The following TTC34 variants were observed in gnomAD, a reference collection of about 807,000 sequenced individuals.
TTC34 encodes tetratricopeptide repeat domain 34, also known as tetratricopeptide repeat protein 34.
A neutral mutation model predicts 40.7 loss-of-function variants in TTC34; 44 were observed. That is an observed-to-expected ratio of 1.08 (90% confidence interval 0.85 to 1.39). The LOEUF is 1.39. Ranked by LOEUF, TTC34 falls within the 40% of genes most tolerant of loss-of-function variation. The pLI is 0.00. For synonymous variants in TTC34, 422 were observed against 398.6 expected (o/e 1.06, Z -0.70); for missense variants, 884 against 838.0 (o/e 1.05, Z -0.68).
At chr1:2,769,734 C>G (rs1294668723) in intron 6 of TTC34, among the ~76,000 whole-genome samples, 4 of 148,078 alleles carry the variant, frequency 2.7e-5, no homozygotes, top group East Asian at 4.0e-4. Flanking sequence ...ATCTGACAGC[C>G]TGGAGCAGCG....
At chr1:2,684,447 G>T (rs1227743487) in intron 6 of TTC34, among the ~76,000 whole-genome samples, 2 of 128,010 alleles carry the variant, frequency 1.6e-5, no homozygotes, top group African/African-American at 3.1e-5. Context: ...CCCCAGGTGA[G>T]CATCTGACGG....
In TTC34 at chr1:2,796,872, G is replaced by A. The variant is rs1489109690; in HGVS notation, c.784+3172C>T. 6.6e-6 allele frequency among the ~76,000 whole-genome samples: 1 copy of A among 152,110 alleles called. No individual in the cohort carries two copies. The highest frequency in any genetic ancestry group is 1.5e-5 in the Non-Finnish European group (1 of 68,018). ...TTGCAGCTCTCTCTAACTGGTTCCT[G>A]CCCCACCCTCTCGTTGGGGTCACCA... On this transcript the variant is annotated intron_variant, in intron 2 of 8. Transcript: ENST00000401095. This position sits in a 1 kb window ranked among gnomAD's most constrained non-coding sequence, Gnocchi z 4.5.
At chr1:2,656,383 T>G (rs763625561) in intron 6 of TTC34, among the ~76,000 whole-genome samples, 1 of 2,018 alleles carries the variant, frequency 5.0e-4, no homozygotes, top group Non-Finnish European at 1.1e-3. Context: ...CACCCACAGG[T>G]GAGCATCTGA....
chr1:2,787,381 C>T, intron 4 of TTC34, 100 bp downstream of exon 4: 3 of 1,152,584 alleles, frequency 2.6e-6, no homozygotes. Flanking sequence ...GTCCAAAGCC[C>T]AGACTGTGGG....
At chr1:2,780,656 T>C (rs1643468043) in intron 6 of TTC34, among the ~76,000 whole-genome samples, 1 of 152,212 alleles carries the variant, frequency 6.6e-6, no homozygotes, top group Non-Finnish European at 1.5e-5. Flanking sequence ...TTGATCACTG[T>C]AGCTTTGTAG....
chr1:2,681,973 A>T (rs1298301164), intron 6 of TTC34, among the ~76,000 whole-genome samples: 2 of 85,746 alleles, frequency 2.3e-5, no homozygotes, highest in Admixed American at 1.1e-4. Flanking sequence ...ACGGCCTGGA[A>T]CAGCACCCAC....
At chr1:2,773,123 G>A (rs1187123499) in intron 6 of TTC34, among the ~76,000 whole-genome samples, 1 of 148,918 alleles carries the variant, frequency 6.7e-6, no homozygotes, top group African/African-American at 2.5e-5. Context: ...TGACAGCCTG[G>A]AGCAGCACAC....
intron 6 of TTC34, among the ~76,000 whole-genome samples, chr1:2,655,247 C>CT (rs1473428097): frequency 3.2e-5 from 1 of 31,316 alleles, no homozygotes. Context: ...TGGAGCAGCA[C>CT]GCACACCCCC....
intron 6 of TTC34, among the ~76,000 whole-genome samples, chr1:2,686,038 C>T (rs796410415): frequency 5.1e-4 from 43 of 84,040 alleles, no homozygotes; most frequent in East Asian, 1.2e-3. Context: ...CAGCACCCTG[C>T]ACCCCCAAGT....
Position 2,773,016 on chromosome 1 carries a change from A to G in TTC34, c.2226+10593T>C, listed in dbSNP as rs1642519929. Among the ~76,000 whole-genome samples the G allele has an allele frequency of 2.0e-5, 3 of 147,522 alleles. No homozygotes were observed. The Admixed American group carries it at 2.0e-4, about 10-fold the overall frequency. On this transcript the variant is annotated intron_variant, in intron 6 of 8. Coordinates refer to ENST00000401095, the Ensembl canonical transcript of TTC34. ...TCTGACAGCCTGGAGCAGCACCCAC[A>G]CCCCCAGGCGAGCATCTGACAGCCT... is the stretch of plus-strand genomic sequence containing the variant.
chr1:2,699,422 A>T (rs1277509995), intron 6 of TTC34, among the ~76,000 whole-genome samples: 1 of 90,262 alleles, frequency 1.1e-5, no homozygotes, highest in African/African-American at 3.5e-5. Context: ...CCCCAAGGTG[A>T]GTATCTGACA....
At chr1:2,780,951 T>C (rs1643473322) in intron 6 of TTC34, among the ~76,000 whole-genome samples, 1 of 152,218 alleles carries the variant, frequency 6.6e-6, no homozygotes, top group African/African-American at 2.4e-5. Context: ...GTTTTATAGT[T>C]TTCATTGTAC....
chr1:2,778,046 T>C (rs1643354521), intron 6 of TTC34, among the ~76,000 whole-genome samples: 1 of 152,138 alleles, frequency 6.6e-6, no homozygotes, highest in South Asian at 2.1e-4. Context: ...CAAATGCATG[T>C]CTCCCTCCCT....
At chr1:2,794,845 G>C (rs1643697529) in intron 2 of TTC34, among the ~76,000 whole-genome samples, 1 of 152,116 alleles carries the variant, frequency 6.6e-6, no homozygotes, top group African/African-American at 2.4e-5. Flanking sequence ...CTACTGCAAT[G>C]ATAATATGTT....
At chr1:2,675,514 ACCCTGC>A in intron 6 of TTC34, among the ~76,000 whole-genome samples, 1 of 108,752 alleles carries the variant, frequency 9.2e-6, no homozygotes, top group Non-Finnish European at 2.1e-5. Context: ...CTGCAACAGC[ACCCTGC>A]ACCCCCAGGT....
At chr1:2,751,021 C>G (rs1388439504) in intron 6 of TTC34, among the ~76,000 whole-genome samples, 1 of 114,410 alleles carries the variant, frequency 8.7e-6, no homozygotes, top group African/African-American at 4.0e-5. Context: ...AGGTGAGCAT[C>G]TGACAGCCTG....
exon 2 of TTC34, chr1:2,800,358 C>T (rs1240694589): frequency 5.0e-6 from 2 of 398,388 alleles, no homozygotes; most frequent in Non-Finnish European, 4.4e-6. Flanking sequence ...GGCGGCCACA[C>T]CATCCGCTGC....
intron 6 of TTC34, among the ~76,000 whole-genome samples, chr1:2,769,751 C>A (rs1430440505): frequency 3.5e-5 from 5 of 143,212 alleles, no homozygotes; most frequent in Admixed American, 6.8e-5. Flanking sequence ...AGCGCCCACA[C>A]CCCCAGGTGA....
chr1:2,686,886 CCT>C (rs1640384074), intron 6 of TTC34, among the ~76,000 whole-genome samples: 1 of 116,046 alleles, frequency 8.6e-6, no homozygotes, highest in Non-Finnish European at 1.7e-5. Flanking sequence ...ACCCACACCC[CCT>C]GATGAGCATC....
Sources: allele counts gnomAD v4.1 joint callset (sites outside exome capture counted in the v4.1 genomes callset), GRCh38; gene constraint gnomAD v4.1.1; non-coding constraint Gnocchi (gnomAD v3.1); transcripts MANE v1.5; gene names NCBI Gene and HGNC (gene_info 2026-07-23, HGNC 2026-07-21).